GON4L: variants seen among roughly 807,000 people sequenced by gnomAD.
GON4L encodes GON-4-like protein.
GON4L carries 87 observed loss-of-function variants against 211.8 expected under a neutral mutation model. That is an observed-to-expected ratio of 0.41 (90% confidence interval 0.35 to 0.49). The LOEUF (loss-of-function observed/expected upper bound fraction) is 0.49. Ranked by LOEUF, GON4L falls within the 20% of genes least tolerant of loss-of-function variation. GON4L has a pLI of 0.15. For synonymous variants in GON4L, 875 were observed against 962.6 expected (o/e 0.91, Z 1.68); for missense variants, 2,155 against 2,659.5 (o/e 0.81, Z 4.17).
At chr1:155,807,719 AAAAAAAG>A (rs961269371) in intron 10 of GON4L, among the ~76,000 whole-genome samples, 1 of 150,116 alleles carries the variant, frequency 6.7e-6, no homozygotes, top group African/African-American at 2.4e-5. Context: ...AAAAAAAAAA[AAAAAAAG>A]AAAATCAGAA....
chr1:155,813,112 C>T (rs1667940921), intron 10 of GON4L, among the ~76,000 whole-genome samples: 1 of 152,044 alleles, frequency 6.6e-6, no homozygotes, highest in Non-Finnish European at 1.5e-5. Context: ...ATGCTCTCTG[C>T]TACATAGTTC....
intron 10 of GON4L, among the ~76,000 whole-genome samples, chr1:155,812,658 C>T (rs1309752497): frequency 2.0e-5 from 3 of 151,634 alleles, no homozygotes; most frequent in African/African-American, 4.8e-5. Context: ...CGGGTTCAAG[C>T]GATTCTCCTG....
downstream of GON4L, chr1:155,748,100 T>C: frequency 6.2e-7 from 1 of 1,608,578 alleles, no homozygotes; most frequent in East Asian, 2.2e-5. Flanking sequence ...CTGAGCCACC[T>C]GTCAACTTCC....
At position 155,760,653 on chromosome 1, in the gene GON4L, G is replaced by A; in HGVS notation, c.4912-12C>T. On this transcript the variant is annotated splice_polypyrimidine_tract_variant and intron_variant, in intron 23 of 31. Coordinates refer to ENST00000368331, the MANE Select transcript of GON4L (RefSeq NM_001282860.2). ...AGGGCTTCTCGCACCTACACGGGAA[G>A]ACTTTCAATCATCAACACCCTTTAT... The A allele has an allele frequency of 6.3e-7, 1 of 1,586,776 alleles. No homozygotes were observed. Among genetic ancestry groups the A allele is most frequent in the Non-Finnish European group, 8.7e-7 (1 of 1,155,206 alleles).
At chr1:155,838,400 T>A (rs553817057) in intron 2 of GON4L, among the ~76,000 whole-genome samples, 1 of 152,314 alleles carries the variant, frequency 6.6e-6, no homozygotes, top group South Asian at 2.1e-4. Context: ...TGTTTAAGAT[T>A]CTTACTTAGG....
intron 17 of GON4L, 138 bp from the exon 18 acceptor site, chr1:155,773,348 C>G (rs1046657160): frequency 1.1e-6 from 1 of 876,212 alleles, no homozygotes; most frequent in Non-Finnish European, 1.8e-6. Flanking sequence ...CACCATCCCC[C>G]CAAAAGTTTC....
chr1:155,787,161 C>T (rs1419227514), intron 12 of GON4L, among the ~76,000 whole-genome samples: 1 of 151,880 alleles, frequency 6.6e-6, no homozygotes, highest in African/African-American at 2.4e-5. Context: ...CCACCCGCCT[C>T]AGCCTCCCAA....
intron 3 of GON4L, among the ~76,000 whole-genome samples, chr1:155,825,668 A>G (rs1412185368): frequency 6.6e-6 from 1 of 152,008 alleles, no homozygotes; most frequent in Non-Finnish European, 1.5e-5. Context: ...AGGCTGAGGC[A>G]AGAGGATCAA....
At chr1:155,792,197 T>G (rs1665663375) in intron 12 of GON4L, among the ~76,000 whole-genome samples, 2 of 152,186 alleles carry the variant, frequency 1.3e-5, no homozygotes, top group African/African-American at 4.8e-5. Flanking sequence ...GCAAAAAACA[T>G]GTGACCACAT....
chr1:155,764,156 G>A (rs1662159215), intron 21 of GON4L, among the ~76,000 whole-genome samples: 1 of 152,040 alleles, frequency 6.6e-6, no homozygotes, highest in Non-Finnish European at 1.5e-5. Flanking sequence ...CCTGAAGATA[G>A]TTTTCAGGCT....
intron 6 of GON4L, among the ~76,000 whole-genome samples, chr1:155,818,184 T>A (rs886272556): frequency 6.6e-6 from 1 of 151,960 alleles, no homozygotes; most frequent in East Asian, 1.9e-4. Flanking sequence ...TGCAGTGGCA[T>A]GGTCTCCGCT....
chr1:155,766,378 G>T lies in GON4L; in HGVS notation c.3095C>A (p.Pro1032Gln). 2 of 1,614,130 alleles carry T rather than the reference G, an allele frequency of 1.2e-6. No homozygotes were observed. Among genetic ancestry groups the T allele is most frequent in the Non-Finnish European group, 1.7e-6 (2 of 1,180,018 alleles). Reference protein sequence around the residue: ...PARSTHSEAPPSKMVLRIPHP... With the variant: ...PARSTHSEAPQSKMVLRIPHP... Reference sequence around the variant, plus strand: ...AGGAATCCGGAGCACCATTTTGCTCGGAGGGGCTTCTGAATGAGTTGATCG... The same window carrying T: ...AGGAATCCGGAGCACCATTTTGCTCTGAGGGGCTTCTGAATGAGTTGATCG... The change falls in exon 21 of 32, where the codon CCG (proline) becomes CAG (glutamine). Residue 1032 changes from proline to glutamine, a missense_variant. Around this residue, in one of 6 missense-constraint regions of GON4L, gnomAD observed 615 missense variants for 625.7 expected, o/e 0.98. Transcript: ENST00000368331.
rs745679187 is a variant in GON4L at position 155,766,569 on chromosome 1, C to T, written c.2904G>A (p.Arg968=). 23 of 1,614,116 alleles carry T rather than the reference C, an allele frequency of 1.4e-5. No homozygotes were observed. The East Asian group carries it at 4.5e-4, about 31-fold the overall frequency. Residue 968 remains arginine, a synonymous_variant, in exon 21 of 32, where the codon CGG becomes CGA. Coordinates refer to ENST00000368331, the MANE Select transcript of GON4L (RefSeq NM_001282860.2). ...KDNLELGSES[R]YPLLLPKGVV... ...CACCCTTAGGCAATAGCAGTGGGTA[C>T]CGAGATTCACTCCCCAACTCCAAAT...
chr1:155,829,709 T>C (rs1300499364), intron 2 of GON4L, among the ~76,000 whole-genome samples: 2 of 152,234 alleles, frequency 1.3e-5, no homozygotes, highest in Non-Finnish European at 2.9e-5. Context: ...AGATATGCTC[T>C]GAATAAGGTT....
At chr1:155,748,710 G>C, downstream of GON4L, 1 of 1,614,154 alleles carries the variant, frequency 6.2e-7, no homozygotes, top group Non-Finnish European at 8.5e-7. Context: ...CCCACTGTCT[G>C]CATGTGGGGA....
intron 18 of GON4L, among the ~76,000 whole-genome samples, 176 bp downstream of exon 18, chr1:155,772,890 T>G (rs1663351514): frequency 6.6e-6 from 1 of 152,194 alleles, no homozygotes; most frequent in Non-Finnish European, 1.5e-5. Flanking sequence ...AAGCAGTATT[T>G]GGCACTGCTA....
At position 155,847,175 on chromosome 1, in the gene GON4L, A is replaced by C. The variant is rs182547480; in HGVS notation, c.505+6101T>G. On this transcript the variant is annotated intron_variant, in intron 2 of 31. Coordinates refer to ENST00000368331, the MANE Select transcript of GON4L (RefSeq NM_001282860.2). ...CGAACCCTTCTGAACTCAGAATACC[A>C]CAAGTTTTGGACCCATAGCTCTAGC... Among the ~76,000 whole-genome samples, 26 of 152,266 alleles carry C rather than the reference A, an allele frequency of 1.7e-4. No individual in the cohort carries two copies. In the East Asian group the frequency reaches 5.0e-3, roughly 29 times the overall value.
rs567714322 is a variant in GON4L, at chr1:155,751,166, T to C, written c.6577-433A>G. Among the ~76,000 whole-genome samples the C allele has an allele frequency of 4.6e-5, 7 of 152,300 alleles. No homozygotes were observed. In the East Asian group the frequency reaches 1.3e-3, roughly 29 times the overall value. On this transcript the variant is annotated intron_variant, in intron 31 of 31. Coordinates refer to ENST00000368331, the MANE Select transcript of GON4L (RefSeq NM_001282860.2). ...CAGCAAGGTTGGGAGAGCTATGTCATTATAGATAAGGAAACTCAAGAGGCT... is the reference window on the plus strand; with the variant it reads ...CAGCAAGGTTGGGAGAGCTATGTCACTATAGATAAGGAAACTCAAGAGGCT...
At chr1:155,839,871 A>G (rs934861269) in intron 2 of GON4L, among the ~76,000 whole-genome samples, 4 of 152,210 alleles carry the variant, frequency 2.6e-5, no homozygotes, top group African/African-American at 9.6e-5. Flanking sequence ...ATGAAATTAC[A>G]AGAAAATTTG....
Sources: allele counts gnomAD v4.1 joint callset (sites outside exome capture counted in the v4.1 genomes callset), GRCh38; gene constraint gnomAD v4.1.1; regional missense constraint gnomAD v4.1.1; transcripts MANE v1.5; gene names NCBI Gene and HGNC (gene_info 2026-07-23, HGNC 2026-07-21).